The following SLCO1B1 variants were observed in gnomAD, a reference collection of about 807,000 sequenced individuals.
The protein encoded by SLCO1B1 is solute carrier organic anion transporter family member 1B1.
In SLCO1B1, 81 loss-of-function variants were observed where a neutral mutation model predicts 70.1. The observed-to-expected ratio is 1.16, with a 90% CI of 0.97 to 1.39. The LOEUF (loss-of-function observed/expected upper bound fraction) is 1.39. Among genes scored for constraint, SLCO1B1 ranks in the 40% most tolerant of loss-of-function variants. The pLI is 0.00. For missense variants in SLCO1B1, 895 were observed against 799.6 expected, an observed-to-expected ratio of 1.12 and a Z score of -1.44; for synonymous variants, 283 against 271.5, an observed-to-expected ratio of 1.04 and a Z score of -0.42.
At chr12:21,193,081 T>A (rs1461931319) in intron 7 of SLCO1B1, among the ~76,000 whole-genome samples, 1 of 152,188 alleles carries the variant, frequency 6.6e-6, no homozygotes, top group African/African-American at 2.4e-5. Context: ...TGATTTTAAT[T>A]TTAAATTTAT....
At chr12:21,184,772 T>C (rs2121118845) in intron 7 of SLCO1B1, among the ~76,000 whole-genome samples, 1 of 152,236 alleles carries the variant, frequency 6.6e-6, no homozygotes, top group South Asian at 2.1e-4. Context: ...ATAATAACCC[T>C]GAATGTAAAC....
intron 11 of SLCO1B1, among the ~76,000 whole-genome samples, chr12:21,210,466 T>C (rs1259966596): frequency 9.3e-6 from 1 of 107,928 alleles, no homozygotes; most frequent in Non-Finnish European, 1.9e-5. Flanking sequence ...ACTGTAGCCT[T>C]GTAGTATAGT....
At chr12:21,226,957 C>A (rs1156816972) in intron 14 of SLCO1B1, among the ~76,000 whole-genome samples, 1 of 151,982 alleles carries the variant, frequency 6.6e-6, no homozygotes, top group African/African-American at 2.4e-5. Flanking sequence ...AAAAGATGCT[C>A]AAATTAATTG....
intron 2 of SLCO1B1, among the ~76,000 whole-genome samples, chr12:21,147,286 T>C (rs1384163099): frequency 6.6e-6 from 1 of 152,214 alleles, no homozygotes; most frequent in African/African-American, 2.4e-5. Flanking sequence ...TCCACTTCTT[T>C]ACTTTTTTAA....
At chr12:21,168,148 C>T (rs747248945) in intron 2 of SLCO1B1, among the ~76,000 whole-genome samples, 1 of 152,068 alleles carries the variant, frequency 6.6e-6, no homozygotes. Flanking sequence ...ATGATAGAAT[C>T]ATACAGTATC....
At chr12:21,207,548 C>T (rs973960804) in intron 11 of SLCO1B1, among the ~76,000 whole-genome samples, 2 of 151,902 alleles carry the variant, frequency 1.3e-5, no homozygotes, top group African/African-American at 4.8e-5. Flanking sequence ...TTGACGGGCA[C>T]CCAGGTTGAG....
chr12:21,162,680 A>C (rs1460614105), intron 2 of SLCO1B1, among the ~76,000 whole-genome samples: 1 of 152,198 alleles, frequency 6.6e-6, no homozygotes, highest in African/African-American at 2.4e-5. Context: ...CTTTTGTTCC[A>C]ATTCCCTTTA....
At position 21,146,214 on chromosome 12, in the gene SLCO1B1, G is replaced by C. The variant is rs148182777; in HGVS notation, c.84+4556G>C. On this transcript the variant is annotated intron_variant, in intron 2 of 14. Coordinates refer to ENST00000256958, the MANE Select transcript of SLCO1B1 (RefSeq NM_006446.5). Reference sequence around the variant, plus strand: ...TCAATATATTGGTCTATTTTATATAGGTTATCATAGTTGTAGGCAGAGTGT... The same window carrying C: ...TCAATATATTGGTCTATTTTATATACGTTATCATAGTTGTAGGCAGAGTGT... 5.2e-3 allele frequency among the ~76,000 whole-genome samples: 790 copies of C among 152,082 alleles called. 10 individuals are homozygous for C. The highest frequency in any genetic ancestry group is 0.018 in the African/African-American group (761 of 41,500).
rs2121179827 is a variant in SLCO1B1, at chr12:21,217,164, A to G, written c.1543A>G (p.Arg515Gly). The G allele has an allele frequency of 3.1e-6, 5 of 1,613,804 alleles. No homozygotes were observed. Among genetic ancestry groups the G allele is most frequent in the Non-Finnish European group, 4.2e-6 (5 of 1,179,768 alleles). ...SCLEVTGLQN[R>G]NYSAHLGECP... Reference sequence around the variant, plus strand: ...TTTGGAAGTAACTGGTCTCCAGAACAGAAATTACTCAGCCCATTTGGGTGA... The same window carrying G: ...TTTGGAAGTAACTGGTCTCCAGAACGGAAATTACTCAGCCCATTTGGGTGA... The change falls in exon 12 of 15, where the codon AGA becomes GGA. Residue 515 changes from arginine to glycine, a missense_variant. By Grantham distance (125) the Arg-to-Gly change is moderately radical. Transcript: ENST00000256958.
At chr12:21,178,756 C>T (rs373885261) in intron 6 of SLCO1B1, 34 bp downstream of exon 6, 30 of 1,570,574 alleles carry the variant, frequency 1.9e-5, no homozygotes, top group Non-Finnish European at 2.6e-5. Context: ...TGTATGATCA[C>T]TTTCCCTTTG....
chr12:21,233,436 A>G (rs1369146878), intron 14 of SLCO1B1, among the ~76,000 whole-genome samples: 3 of 152,078 alleles, frequency 2.0e-5, no homozygotes, highest in South Asian at 2.1e-4. Flanking sequence ...CGAACCTTCT[A>G]TTCTCCACCT....
At chr12:21,168,103 G>C (rs973954901) in intron 2 of SLCO1B1, among the ~76,000 whole-genome samples, 1 of 151,976 alleles carries the variant, frequency 6.6e-6, no homozygotes, top group Admixed American at 6.6e-5. Context: ...TTACAAGTGT[G>C]AGCCACTATG....
intron 14 of SLCO1B1, among the ~76,000 whole-genome samples, chr12:21,225,895 A>C (rs1460956521): frequency 6.6e-6 from 1 of 152,240 alleles, no homozygotes; most frequent in East Asian, 1.9e-4. Context: ...TCATGCACCT[A>C]GGTATTTACC....
chr12:21,211,938 A>G (rs922422999), intron 11 of SLCO1B1, among the ~76,000 whole-genome samples: 4 of 149,548 alleles, frequency 2.7e-5, no homozygotes, highest in African/African-American at 4.9e-5. Flanking sequence ...TGTGTCTATT[A>G]GATTCTTCTC....
At chr12:21,186,034 T>A (rs1940958587) in intron 7 of SLCO1B1, among the ~76,000 whole-genome samples, 1 of 151,958 alleles carries the variant, frequency 6.6e-6, no homozygotes, top group Admixed American at 6.6e-5. Context: ...TAACAAGTTA[T>A]CAAATTGAAT....
At chr12:21,196,587 A>G (rs140226657) in intron 7 of SLCO1B1, among the ~76,000 whole-genome samples, 7 of 152,268 alleles carry the variant, frequency 4.6e-5, no homozygotes, top group African/African-American at 1.4e-4. Context: ...GCTTGTGCCA[A>G]TAGACATTTT....
At chr12:21,213,189 G>C (rs1339297777) in intron 11 of SLCO1B1, among the ~76,000 whole-genome samples, 1 of 152,034 alleles carries the variant, frequency 6.6e-6, no homozygotes, top group Non-Finnish European at 1.5e-5. Context: ...CCATGATTTT[G>C]CAGTGGCTGG....
At position 21,210,026 on chromosome 12, in the gene SLCO1B1, G is replaced by A. The variant is rs571915346; in HGVS notation, c.1497+3993G>A. Among the ~76,000 whole-genome samples, 868 of 150,000 alleles carry A rather than the reference G, an allele frequency of 5.8e-3. 9 individuals are homozygous for A. Among genetic ancestry groups the A allele is most frequent in the African/African-American group, 0.02 (839 of 41,176 alleles). ...TTGTAGGTTGCCTGTTCACTCTGAT[G>A]GTAGTTTTTTTTGCTGTGCAGAAGC... On this transcript the variant is annotated intron_variant, in intron 11 of 14. Transcript: ENST00000256958.
intron 2 of SLCO1B1, among the ~76,000 whole-genome samples, chr12:21,160,634 CA>C (rs1940606996): frequency 6.6e-6 from 1 of 151,864 alleles, no homozygotes; most frequent in Non-Finnish European, 1.5e-5. Context: ...ACACCGAAAG[CA>C]ATCAAAACAA....
Sources: allele counts gnomAD v4.1 joint callset (sites outside exome capture counted in the v4.1 genomes callset), GRCh38; gene constraint gnomAD v4.1.1; transcripts MANE v1.5; gene names NCBI Gene and HGNC (gene_info 2026-07-23, HGNC 2026-07-21).